The following TRERF1 variants were observed in gnomAD, a reference collection of about 807,000 sequenced individuals.
TRERF1 encodes transcriptional-regulating factor 1.
A neutral mutation model predicts 122.9 loss-of-function variants in TRERF1; 27 were observed. The observed-to-expected ratio is 0.22, with a 90% confidence interval of 0.16 to 0.30. The LOEUF (loss-of-function observed/expected upper bound fraction) is 0.30. Ranked by LOEUF, TRERF1 falls within the 10% of genes least tolerant of loss-of-function variation. The pLI is 1.00. For missense variants in TRERF1, 1,248 were observed against 1,560.3 expected, an observed-to-expected ratio of 0.80 and a Z score of 3.37; for synonymous variants, 636 against 641.7, an observed-to-expected ratio of 0.99 and a Z score of 0.13.
At chr6:42,308,029 G>C (rs1787595506) in intron 3 of TRERF1, among the ~76,000 whole-genome samples, 1 of 152,252 alleles carries the variant, frequency 6.6e-6, no homozygotes, top group South Asian at 2.1e-4. Flanking sequence ...ATGGAAAATG[G>C]TGTAGCCACT....
intron 2 of TRERF1, among the ~76,000 whole-genome samples, chr6:42,365,534 T>C (rs1772564484): frequency 6.6e-6 from 1 of 152,164 alleles, no homozygotes; most frequent in African/African-American, 2.4e-5. Flanking sequence ...GAAGATTCAT[T>C]ATTCCTTGAG....
intron 4 of TRERF1, among the ~76,000 whole-genome samples, chr6:42,292,141 C>T (rs1007976668): frequency 2.6e-5 from 4 of 152,168 alleles, no homozygotes; most frequent in African/African-American, 7.2e-5. Context: ...AGGGAGGACT[C>T]GAGCAGTCTC....
intron 2 of TRERF1, among the ~76,000 whole-genome samples, chr6:42,368,859 G>T (rs527693379): frequency 6.6e-6 from 1 of 152,302 alleles, no homozygotes; most frequent in Admixed American, 6.5e-5. Flanking sequence ...TTCTTGGTAT[G>T]TAAGAAGTTT....
chr6:42,421,011 C>G (rs1582129753), intron 2 of TRERF1, among the ~76,000 whole-genome samples: 1 of 152,234 alleles, frequency 6.6e-6, no homozygotes. Flanking sequence ...TGAATATGCA[C>G]AGGCTTTTGA....
chr6:42,448,188 C>A (rs928027000), intron 2 of TRERF1, among the ~76,000 whole-genome samples: 1 of 151,468 alleles, frequency 6.6e-6, no homozygotes, highest in Non-Finnish European at 1.5e-5. Context: ...CAAAGCCACA[C>A]TGGGCTTTCT....
intron 2 of TRERF1, among the ~76,000 whole-genome samples, chr6:42,436,060 T>C (rs1488309578): frequency 1.3e-5 from 2 of 151,826 alleles, no homozygotes; most frequent in Admixed American, 6.6e-5. Flanking sequence ...CTGTTGAACA[T>C]AGAGTCCATA....
chr6:42,364,494 C>A (rs1772354362), intron 2 of TRERF1, among the ~76,000 whole-genome samples: 2 of 152,210 alleles, frequency 1.3e-5, no homozygotes, highest in Admixed American at 6.5e-5. Flanking sequence ...ATAGTAGGTG[C>A]TCAAGAAATA....
chr6:42,344,678 C>T (rs1476602626), intron 3 of TRERF1, among the ~76,000 whole-genome samples: 2 of 152,128 alleles, frequency 1.3e-5, no homozygotes, highest in South Asian at 2.1e-4. Flanking sequence ...TGCAGATCAA[C>T]CCAAGCAGTC....
intron 2 of TRERF1, 59 bp downstream of exon 2, chr6:42,451,118 T>C (rs1208059407): frequency 6.6e-6 from 1 of 150,930 alleles, no homozygotes; most frequent in African/African-American, 2.4e-5. Context: ...CCCCGTCTTC[T>C]CGAGGAGCAT....
intron 4 of TRERF1, among the ~76,000 whole-genome samples, chr6:42,289,831 A>G (rs34856873): frequency 0.027 from 4,148 of 152,278 alleles, 57 homozygotes; most frequent in Non-Finnish European, 0.037. Context: ...TAGGTTTGCC[A>G]TGGTCCAGGC....
intron 3 of TRERF1, among the ~76,000 whole-genome samples, chr6:42,361,347 C>T (rs1771725895): frequency 6.6e-6 from 1 of 152,202 alleles, no homozygotes; most frequent in Non-Finnish European, 1.5e-5. Flanking sequence ...GTTATAATAG[C>T]CCAAACAGAC....
intron 3 of TRERF1, among the ~76,000 whole-genome samples, chr6:42,306,030 C>A (rs1787173260): frequency 9.8e-6 from 1 of 102,090 alleles, no homozygotes; most frequent in Admixed American, 1.6e-4. Context: ...GAGACAGAGT[C>A]TTACTCTGTC....
At chr6:42,327,648 A>G (rs968051912) in intron 3 of TRERF1, among the ~76,000 whole-genome samples, 4 of 152,230 alleles carry the variant, frequency 2.6e-5, no homozygotes, top group African/African-American at 9.6e-5. Context: ...ATGCATTCAC[A>G]CACGAAAAGC....
Position 42,268,629 on chromosome 6 carries a change from A to C in TRERF1, c.962T>G (p.Met321Arg), listed in dbSNP as rs773501673. 15 of 1,614,008 alleles carry C rather than the reference A, an allele frequency of 9.3e-6. No individual in the cohort carries two copies. The highest frequency in any genetic ancestry group is 8.3e-5 in the Admixed American group (5 of 59,992). Reference sequence around the variant, plus strand: ...GGGCTGATAATACTGAGGTATCTGCATTGAACCCTGCCGCTGCTGCAGCTG... The same window carrying C: ...GGGCTGATAATACTGAGGTATCTGCCTTGAACCCTGCCGCTGCTGCAGCTG... The change falls in exon 5 of 18, where the codon ATG becomes AGG. Residue 321 changes from methionine to arginine, a missense_variant. This residue lies in a region of TRERF1 where 946 missense variants were observed against 1,073.0 expected (regional missense o/e 0.88). Transcript: ENST00000372922. The surrounding 1 kb of genome is among the most constrained non-coding windows in gnomAD (Gnocchi z 4.4).
chr6:42,425,889 C>A (rs1355837549), intron 2 of TRERF1, among the ~76,000 whole-genome samples: 2 of 152,038 alleles, frequency 1.3e-5, no homozygotes, highest in Non-Finnish European at 2.9e-5. Context: ...TTTTCCTCCC[C>A]ACTTGCCCCC....
chr6:42,313,702 T>G (rs769739752), intron 3 of TRERF1, among the ~76,000 whole-genome samples: 7 of 152,044 alleles, frequency 4.6e-5, no homozygotes, highest in East Asian at 1.9e-4. Flanking sequence ...GGAGAACCTA[T>G]TGGGGAGGCT....
intron 4 of TRERF1, among the ~76,000 whole-genome samples, chr6:42,295,727 A>G (rs1784994464): frequency 6.6e-6 from 1 of 152,176 alleles, no homozygotes; most frequent in Non-Finnish European, 1.5e-5. Context: ...TTTTGGTTAC[A>G]AAGTCCTCTT....
chr6:42,293,325 C>T (rs531774415), intron 4 of TRERF1, among the ~76,000 whole-genome samples: 1 of 152,262 alleles, frequency 6.6e-6, no homozygotes, highest in South Asian at 2.1e-4. Flanking sequence ...GAGAGAGTTC[C>T]AAAGGATCAC....
chr6:42,313,426 T>G (rs1192588980), intron 3 of TRERF1, among the ~76,000 whole-genome samples: 1 of 152,140 alleles, frequency 6.6e-6, no homozygotes, highest in Non-Finnish European at 1.5e-5. Context: ...GCCTCATCTC[T>G]CTCTCTCTGT....
Sources: gnomAD v4.1 joint callset for allele counts (sites outside exome capture counted in the v4.1 genomes callset) on GRCh38, gnomAD v4.1.1 for gene constraint, gnomAD v4.1.1 regional missense constraint, Gnocchi (gnomAD v3.1) non-coding constraint, MANE v1.5 for transcripts, NCBI Gene and HGNC (gene_info 2026-07-23, HGNC 2026-07-21) for gene names.